ACKR3: variants seen among roughly 807,000 people sequenced by gnomAD.
ACKR3 encodes the protein C-X-C chemokine receptor type 7.
Under a neutral mutation model 22.4 loss-of-function variants are expected in ACKR3, and 6 were observed. The observed-to-expected ratio is 0.27, with a 90% CI of 0.15 to 0.53. The LOEUF (loss-of-function observed/expected upper bound fraction) is 0.53. ACKR3 is among the 20% of genes least tolerant of loss of function. The pLI, the probability that ACKR3 is intolerant of heterozygous loss-of-function variation, is 0.96. For synonymous variants in ACKR3, 209 were observed against 205.2 expected (o/e 1.02, Z -0.16); for missense variants, 396 against 475.2 (o/e 0.83, Z 1.55).
the ACKR3 span, among the ~76,000 whole-genome samples, chr2:236,551,078 A>G: frequency 0.22 from 34,086 of 151,970 alleles, 5,384 homozygotes; most frequent in African/African-American, 0.45. Context: ...AGGCACACCT[A>G]CCCTGCTGGG....
chr2:236,547,522 A>G, the ACKR3 span, among the ~76,000 whole-genome samples: 6 of 152,168 alleles, frequency 3.9e-5, no homozygotes, highest in Non-Finnish European at 5.9e-5. Context: ...TTTTTTCCTG[A>G]GACCATTTTA....
the ACKR3 span, among the ~76,000 whole-genome samples, chr2:236,554,240 G>A: frequency 6.6e-6 from 1 of 152,172 alleles, no homozygotes; most frequent in Non-Finnish European, 1.5e-5. Context: ...GTATAATGTG[G>A]AGCATCACTA....
intron 1 of ACKR3, among the ~76,000 whole-genome samples, chr2:236,571,144 A>G (rs1380705147): frequency 6.6e-6 from 1 of 152,248 alleles, no homozygotes; most frequent in East Asian, 1.9e-4. Context: ...CATAGATTTT[A>G]AATGGATAAA....
the ACKR3 span, among the ~76,000 whole-genome samples, chr2:236,540,104 A>G: frequency 6.6e-6 from 1 of 152,220 alleles, no homozygotes; most frequent in African/African-American, 2.4e-5. Context: ...GGAAACTGCA[A>G]AACAGTTTTC....
chr2:236,554,177 T>C, the ACKR3 span, among the ~76,000 whole-genome samples: 2 of 152,188 alleles, frequency 1.3e-5, no homozygotes, highest in East Asian at 1.9e-4. Context: ...GAGTAAGACA[T>C]AGTCCCTTAA....
At chr2:236,552,976 A>C in the ACKR3 span, among the ~76,000 whole-genome samples, 2 of 152,140 alleles carry the variant, frequency 1.3e-5, no homozygotes, top group Non-Finnish European at 2.9e-5. Flanking sequence ...TCCCGTTCTT[A>C]TTTCCTTCTG....
rs764612629 is a variant in ACKR3, at chr2:236,580,461, G to T, written c.-5G>T. 7.5e-6 allele frequency: 12 copies of T among 1,604,922 alleles called. No individual in the cohort carries two copies. The highest frequency in any genetic ancestry group is 1.3e-5 in the African/African-American group (1 of 74,730). On this transcript the variant is annotated 5_prime_UTR_variant, in exon 2 of 2. Transcript: ENST00000272928. ...ATAGGTCATTTGATTGCCCGCCTCA[G>T]AACGATGGATCTGCATCTCTTCGAC...
chr2:236,567,649 G>A (rs1574970783), upstream of ACKR3: 1 of 152,400 alleles, frequency 6.6e-6, no homozygotes, highest in Non-Finnish European at 1.5e-5. Flanking sequence ...CTCCCAGGGT[G>A]GGAGCCTGGC....
the ACKR3 span, among the ~76,000 whole-genome samples, chr2:236,551,040 TCA>T: frequency 6.6e-6 from 1 of 152,160 alleles, no homozygotes; most frequent in African/African-American, 2.4e-5. Context: ...AGTTTCTGCC[TCA>T]GTTTCCCTGC....
the ACKR3 span, among the ~76,000 whole-genome samples, chr2:236,542,999 C>T: frequency 9.4e-6 from 1 of 105,918 alleles, no homozygotes; most frequent in East Asian, 2.3e-4. Context: ...GGCTCTTGCC[C>T]TCCAGGACTA....
chr2:236,578,005 G>C (rs1691447756), intron 1 of ACKR3, among the ~76,000 whole-genome samples: 1 of 152,252 alleles, frequency 6.6e-6, no homozygotes, highest in Non-Finnish European at 1.5e-5. Flanking sequence ...TGGAAACCAA[G>C]CCATGATGCA....
At chr2:236,547,111 A>G in the ACKR3 span, among the ~76,000 whole-genome samples, 1 of 152,208 alleles carries the variant, frequency 6.6e-6, no homozygotes, top group Non-Finnish European at 1.5e-5. Flanking sequence ...ATAGACACAC[A>G]TTGTCATGAT....
chr2:236,565,379 C>T (rs1691156849), upstream of ACKR3, among the ~76,000 whole-genome samples: 1 of 152,204 alleles, frequency 6.6e-6, no homozygotes, highest in Non-Finnish European at 1.5e-5. Flanking sequence ...GACCTTCCTG[C>T]TGTTTCTTAA....
At chr2:236,539,999 G>C in the ACKR3 span, among the ~76,000 whole-genome samples, 1 of 152,168 alleles carries the variant, frequency 6.6e-6, no homozygotes, top group South Asian at 2.1e-4. Flanking sequence ...ACCTTGCCCC[G>C]TCCTTGACAC....
In ACKR3 at chr2:236,572,072, G is replaced by A. The variant is rs143184046; in HGVS notation, c.-27+2148G>A. On this transcript the variant is annotated intron_variant, in intron 1 of 1. Coordinates refer to ENST00000272928, the MANE Select transcript of ACKR3 (RefSeq NM_020311.3). ...AGGAAAAGACAAAGCTCCAGGACAC[G>A]TATTTTCTGTTGAAATAAAAGAAAG... Among the ~76,000 whole-genome samples, 249 of 152,282 alleles carry A rather than the reference G, an allele frequency of 1.6e-3. 1 individual carries two copies. Among genetic ancestry groups the A allele is most frequent in the Non-Finnish European group, 3.0e-3 (203 of 68,016 alleles).
At chr2:236,553,826 C>A in the ACKR3 span, among the ~76,000 whole-genome samples, 6 of 152,352 alleles carry the variant, frequency 3.9e-5, no homozygotes, top group Admixed American at 2.6e-4. Context: ...TCTCAGATGT[C>A]TTTAGAAAAT....
Position 236,581,728 on chromosome 2 carries a change from A to G in ACKR3, c.*174A>G, listed in dbSNP as rs760993497. The G allele has an allele frequency of 6.5e-5, 56 of 861,886 alleles. No homozygotes were observed. The highest frequency in any genetic ancestry group is 9.6e-5 in the Non-Finnish European group (55 of 573,500). 53.4% of individuals were successfully genotyped at this position (861,886 alleles called of 1,614,324 possible). On this transcript the variant is annotated 3_prime_UTR_variant, in exon 2 of 2. Transcript: ENST00000272928. The surrounding 1 kb of genome is among the most constrained non-coding windows in gnomAD (Gnocchi z 4.4). ...TCTTTCTCTTGATGACGCAGCTGTC[A>G]TTTGGCTGTGCGTGCTGACAGTTTT...
chr2:236,564,154 G>GA (rs1559468973), upstream of ACKR3, among the ~76,000 whole-genome samples: 1 of 152,166 alleles, frequency 6.6e-6, no homozygotes, highest in African/African-American at 2.4e-5. Context: ...CAGAGGCCAA[G>GA]CTTCACTTCA....
At chr2:236,544,082 C>A in the ACKR3 span, among the ~76,000 whole-genome samples, 1 of 149,042 alleles carries the variant, frequency 6.7e-6, no homozygotes, top group Non-Finnish European at 1.5e-5. The surrounding 1 kb of genome is among the most constrained non-coding windows in gnomAD (Gnocchi z 5.0). Context: ...CTCTGCCTCC[C>A]GGATTCAAGT....
Sources: allele counts gnomAD v4.1 joint callset (sites outside exome capture counted in the v4.1 genomes callset), GRCh38; gene constraint gnomAD v4.1.1; non-coding constraint Gnocchi (gnomAD v3.1); transcripts MANE v1.5; gene names NCBI Gene and HGNC (gene_info 2026-07-23, HGNC 2026-07-21).